Variants in PHF21B observed in about 807,000 individuals in gnomAD.
PHF21B encodes PHD finger protein 4.
PHF21B carries 22 observed loss-of-function variants against 62.2 expected under a neutral mutation model. The ratio of observed to expected loss-of-function variants is 0.35; its 90% CI spans 0.25 to 0.51. PHF21B has a LOEUF of 0.51. Among genes scored for constraint, PHF21B ranks in the 20% least tolerant of loss-of-function variants. The pLI, the probability that PHF21B is intolerant of heterozygous loss-of-function variation, is 0.97. For synonymous variants in PHF21B, 341 were observed against 314.7 expected, an observed-to-expected ratio of 1.08 and a Z score of -0.88; for missense variants, 701 against 707.9, an observed-to-expected ratio of 0.99 and a Z score of 0.11.
Position 45,009,663 on chromosome 22 carries a change from G to A in PHF21B, c.-114C>T, listed in dbSNP as rs955020059. 22 of 1,012,622 alleles carry A rather than the reference G, an allele frequency of 2.2e-5. No individual in the cohort carries two copies. Among genetic ancestry groups the A allele is most frequent in the Non-Finnish European group, 2.8e-5 (21 of 738,968 alleles). 62.7% of individuals were successfully genotyped at this position (1,012,622 alleles called of 1,614,324 possible). A position where few individuals can be genotyped will look rare whatever the true frequency, so the allele number is the denominator to read the frequency against. ...CGGACGCGGCCTCCGGGCTGGGTTG[G>A]GGGGGACACGAGCCCCCTCCCCCAC... On this transcript the variant is annotated 5_prime_UTR_variant, in exon 1 of 13. Transcript: ENST00000313237. The surrounding 1 kb of genome is among the most constrained non-coding windows in gnomAD (Gnocchi z 5.9).
At chr22:44,950,777 T>C (rs554273526) in intron 2 of PHF21B, among the ~76,000 whole-genome samples, 4 of 152,312 alleles carry the variant, frequency 2.6e-5, no homozygotes, top group East Asian at 1.9e-4. Context: ...TGTTTCCTTT[T>C]AAATGCAACT....
chr22:44,992,250 C>G (rs1232952533), intron 2 of PHF21B, among the ~76,000 whole-genome samples: 4 of 152,210 alleles, frequency 2.6e-5, no homozygotes, highest in Non-Finnish European at 4.4e-5. Flanking sequence ...AACAGAAGCC[C>G]CTTGAAGCCA....
intron 2 of PHF21B, among the ~76,000 whole-genome samples, chr22:44,963,629 A>G (rs989466890): frequency 9.2e-5 from 14 of 152,256 alleles, no homozygotes; most frequent in Non-Finnish European, 2.1e-4. Context: ...CACTCACCGC[A>G]GACTTTGTTT....
At chr22:44,992,077 G>C (rs1433816839) in intron 2 of PHF21B, among the ~76,000 whole-genome samples, 1 of 152,228 alleles carries the variant, frequency 6.6e-6, no homozygotes, top group Non-Finnish European at 1.5e-5. Context: ...AAGTGACGGG[G>C]AGTGCACTGC....
chr22:44,922,863 C>T (rs2071562097), intron 2 of PHF21B, among the ~76,000 whole-genome samples: 1 of 152,082 alleles, frequency 6.6e-6, no homozygotes, highest in Non-Finnish European at 1.5e-5. Context: ...GAATCAGAAG[C>T]CTCAACATTG....
intron 5 of PHF21B, among the ~76,000 whole-genome samples, chr22:44,899,958 C>T (rs1185439370): frequency 6.6e-6 from 1 of 152,088 alleles, no homozygotes; most frequent in African/African-American, 2.4e-5. Flanking sequence ...ATAGTTTACT[C>T]CTTTCTGATT....
At chr22:44,974,124 G>A (rs904238932) in intron 2 of PHF21B, among the ~76,000 whole-genome samples, 2 of 152,146 alleles carry the variant, frequency 1.3e-5, no homozygotes, top group Admixed American at 6.5e-5. Flanking sequence ...CTGTAAACGT[G>A]CATATGCGGC....
intron 10 of PHF21B, 58 bp downstream of exon 10, chr22:44,887,897 TGTCTCTGC>T: frequency 7.4e-7 from 1 of 1,354,618 alleles, no homozygotes; most frequent in Non-Finnish European, 9.6e-7. Context: ...TCCTCTGCCC[TGTCTCTGC>T]CTACGGTGGG....
At chr22:44,975,580 C>A (rs148337591) in intron 2 of PHF21B, among the ~76,000 whole-genome samples, 1 of 152,204 alleles carries the variant, frequency 6.6e-6, no homozygotes, top group Non-Finnish European at 1.5e-5. Context: ...AGCTATGCTG[C>A]GCACTGTGGC....
intron 2 of PHF21B, among the ~76,000 whole-genome samples, chr22:44,989,845 G>C (rs1002400827): frequency 1.5e-4 from 23 of 152,186 alleles, no homozygotes; most frequent in African/African-American, 5.3e-4. Context: ...CCCAACCTCA[G>C]GTGATCCACC....
At chr22:44,956,489 G>A (rs533236610) in intron 2 of PHF21B, among the ~76,000 whole-genome samples, 10 of 152,306 alleles carry the variant, frequency 6.6e-5, no homozygotes, top group African/African-American at 2.4e-4. Context: ...CAATGAAATC[G>A]TCAATATTTA....
At chr22:44,985,086 G>A (rs1315013461) in intron 2 of PHF21B, among the ~76,000 whole-genome samples, 1 of 152,212 alleles carries the variant, frequency 6.6e-6, no homozygotes, top group Non-Finnish European at 1.5e-5. Flanking sequence ...CTGGGGTATC[G>A]ACTTCAGTGA....
chr22:44,885,573 A>C, intron 11 of PHF21B, 44 bp from the exon 12 acceptor site: 1 of 1,534,730 alleles, frequency 6.5e-7, no homozygotes, highest in Non-Finnish European at 8.8e-7. Context: ...GCAGGTAAGG[A>C]GCGGCTGGGT....
intron 9 of PHF21B, among the ~76,000 whole-genome samples, chr22:44,888,998 T>A (rs948147770): frequency 6.6e-6 from 1 of 152,172 alleles, no homozygotes; most frequent in African/African-American, 2.4e-5. Context: ...GGGCACAAGA[T>A]GTTTGCAGAT....
chr22:44,907,947 G>C (rs146112861), intron 5 of PHF21B, among the ~76,000 whole-genome samples: 196 of 152,284 alleles, frequency 1.3e-3, no homozygotes, highest in African/African-American at 4.6e-3. Flanking sequence ...AGGGGCGCTG[G>C]GGGGGTGAGG....
At chr22:44,892,419 G>A (rs2070982820) in intron 7 of PHF21B, among the ~76,000 whole-genome samples, 1 of 152,254 alleles carries the variant, frequency 6.6e-6, no homozygotes, top group Non-Finnish European at 1.5e-5. Context: ...GCAGAGCCTG[G>A]AACTGGCTGC....
intron 2 of PHF21B, among the ~76,000 whole-genome samples, chr22:44,959,259 T>G (rs2072368710): frequency 6.6e-6 from 1 of 152,204 alleles, no homozygotes; most frequent in Admixed American, 6.5e-5. Flanking sequence ...ATAACAAATG[T>G]CTTCTAGAGA....
chr22:44,950,727 A>G (rs2072176118), intron 2 of PHF21B, among the ~76,000 whole-genome samples: 1 of 152,180 alleles, frequency 6.6e-6, no homozygotes, highest in African/African-American at 2.4e-5. Flanking sequence ...AATATGAATC[A>G]CTTGTTGCAA....
At chr22:44,915,298 T>C (rs1262541549) in intron 4 of PHF21B, among the ~76,000 whole-genome samples, 21 of 152,228 alleles carry the variant, frequency 1.4e-4, no homozygotes, top group Non-Finnish European at 1.5e-5. Flanking sequence ...AGAAAAACAC[T>C]GAAGCTTAAC....
Sources: allele counts gnomAD v4.1 joint callset (sites outside exome capture counted in the v4.1 genomes callset), GRCh38; gene constraint gnomAD v4.1.1; non-coding constraint Gnocchi (gnomAD v3.1); transcripts MANE v1.5; gene names NCBI Gene and HGNC (gene_info 2026-07-23, HGNC 2026-07-21).